Variants in TPPP observed in about 807,000 individuals in gnomAD.
TPPP encodes tubulin polymerization promoting protein, also known as tubulin polymerization-promoting protein.
A neutral mutation model predicts 15.5 loss-of-function variants in TPPP; 6 were observed. That is an observed-to-expected ratio of 0.39 (90% CI 0.21 to 0.77). TPPP has a LOEUF of 0.77. Ranked by LOEUF, TPPP falls within the 30% of genes least tolerant of loss-of-function variation. The pLI, the probability that TPPP is intolerant of heterozygous loss-of-function variation, is 0.42. For missense variants in TPPP, 269 were observed against 307.2 expected (o/e 0.88, Z 0.93); for synonymous variants, 146 against 133.9 (o/e 1.09, Z -0.63).
Position 677,795 on chromosome 5 carries a change from C to T in TPPP, c.266G>A (p.Arg89Lys), listed in dbSNP as rs1413473902. The T allele has an allele frequency of 6.3e-7, 1 of 1,599,718 alleles. No individual in the cohort carries two copies. The highest frequency in any genetic ancestry group is 2.2e-5 in the East Asian group (1 of 44,600). The change falls in exon 2 of 4, where the codon AGG becomes AAG. Residue 89 changes from arginine (R) to lysine (K), a missense_variant. Transcript: ENST00000360578. ...LCKDCQVIDG[R>K]NVTVTDVDIV... ...GTCCACGTCAGTGACGGTCACGTTC[C>T]TGCCGTCGATCACCTGGCAGTCCTT... is the stretch of plus-strand genomic sequence containing the variant.
the TPPP span, among the ~76,000 whole-genome samples, chr5:698,856 T>C: frequency 3.3e-5 from 5 of 152,116 alleles, no homozygotes; most frequent in South Asian, 6.2e-4. Flanking sequence ...CAGAAATCAA[T>C]AGCATTCTTA....
intron 2 of TPPP, among the ~76,000 whole-genome samples, chr5:669,713 C>T (rs1740130745): frequency 6.6e-6 from 1 of 152,066 alleles, no homozygotes; most frequent in Non-Finnish European, 1.5e-5. Flanking sequence ...GATCCGGACA[C>T]CTGCTCTGCG....
chr5:671,179 C>T (rs72707027), intron 2 of TPPP, among the ~76,000 whole-genome samples: 1 of 151,310 alleles, frequency 6.6e-6, no homozygotes, highest in African/African-American at 2.4e-5. Context: ...CTGTCTCCCT[C>T]TGGGCGCACA....
chr5:685,633 G>A (rs386057), intron 1 of TPPP, among the ~76,000 whole-genome samples: 58,895 of 152,140 alleles, frequency 0.39, 11,526 homozygotes, highest in East Asian at 0.56. Flanking sequence ...AGATGGCTGC[G>A]GAGGAGCTTC....
chr5:685,174 AGGTCACT>A (rs1421431591), intron 1 of TPPP, among the ~76,000 whole-genome samples: 3 of 152,106 alleles, frequency 2.0e-5, no homozygotes, highest in Non-Finnish European at 4.4e-5. Context: ...TGATCCTGAG[AGGTCACT>A]GGTCCAGAGG....
chr5:685,195 C>G (rs1383582343), intron 1 of TPPP, among the ~76,000 whole-genome samples: 2 of 152,194 alleles, frequency 1.3e-5, no homozygotes, highest in Non-Finnish European at 2.9e-5. Flanking sequence ...CCAGAGGGAT[C>G]GCTAGGATGG....
At chr5:666,511 T>G (rs1739921939) in intron 2 of TPPP, among the ~76,000 whole-genome samples, 1 of 152,138 alleles carries the variant, frequency 6.6e-6, no homozygotes, top group African/African-American at 2.4e-5. Flanking sequence ...CCTGTGTGTG[T>G]TGGGGTCCTA....
At chr5:695,568 A>T (rs1267227670), upstream of TPPP, among the ~76,000 whole-genome samples, 15 of 150,462 alleles carry the variant, frequency 1.0e-4, no homozygotes, top group Admixed American at 3.3e-4. Flanking sequence ...CAGAAGTCCG[A>T]GATCAAGGCC....
At chr5:677,310 A>T (rs1384042338) in intron 2 of TPPP, among the ~76,000 whole-genome samples, 1 of 152,138 alleles carries the variant, frequency 6.6e-6, no homozygotes, top group African/African-American at 2.4e-5. Flanking sequence ...GAGGGTCAGG[A>T]GCTCTGCCCG....
In TPPP at chr5:664,093, G is replaced by A. The variant is rs1333113511; in HGVS notation, c.*1009C>T. On this transcript the variant is annotated 3_prime_UTR_variant, in exon 4 of 4. Coordinates refer to ENST00000360578, the MANE Select transcript of TPPP (RefSeq NM_007030.3). ...TCCCTAGTGTCCTGCTCTCCGGCGG[G>A]GGGGATTGGCCAGGAGAGGTTAGGC... 4 of 152,568 alleles carry A rather than the reference G, an allele frequency of 2.6e-5. No individual in the cohort carries two copies. Among genetic ancestry groups the A allele is most frequent in the African/African-American group, 9.6e-5 (4 of 41,462 alleles). The allele number at this position is 152,568 out of a possible 1,614,324, so 9.5% of individuals were successfully genotyped here.
At chr5:665,938 C>CCA in intron 3 of TPPP, 32 bp downstream of exon 3, 1 of 1,366,608 alleles carries the variant, frequency 7.3e-7, no homozygotes, top group Admixed American at 2.2e-5. Flanking sequence ...CCACCCCCTC[C>CCA]AGGCCCCGCC....
intron 2 of TPPP, among the ~76,000 whole-genome samples, chr5:669,811 G>A (rs555145637): frequency 2.2e-4 from 34 of 152,182 alleles, no homozygotes; most frequent in East Asian, 7.8e-4. Flanking sequence ...GGTGCCCCCC[G>A]CCTGGGGCAG....
At chr5:673,913 G>A (rs1183352978) in intron 2 of TPPP, among the ~76,000 whole-genome samples, 10 of 152,234 alleles carry the variant, frequency 6.6e-5, no homozygotes, top group South Asian at 2.1e-4. Context: ...CCCACCCACC[G>A]CAGGGAGAGT....
chr5:679,944 C>T (rs1253177587), intron 1 of TPPP, among the ~76,000 whole-genome samples: 2 of 86,952 alleles, frequency 2.3e-5, no homozygotes. Flanking sequence ...GGACATAAAA[C>T]GTCCTGCCCT....
At chr5:674,800 G>C (rs1230059736) in intron 2 of TPPP, among the ~76,000 whole-genome samples, 1 of 151,762 alleles carries the variant, frequency 6.6e-6, no homozygotes, top group Non-Finnish European at 1.5e-5. Flanking sequence ...CAGTGGGCTG[G>C]TCTGTCCTCC....
intron 2 of TPPP, among the ~76,000 whole-genome samples, chr5:666,466 T>C (rs1739919698): frequency 6.6e-6 from 1 of 152,202 alleles, no homozygotes; most frequent in Non-Finnish European, 1.5e-5. Context: ...CGCCGGGAGC[T>C]GGGGGTCCTA....
At chr5:665,938 C>CCCCCCCCCCCCACAA in intron 3 of TPPP, 32 bp downstream of exon 3, 1 of 1,366,608 alleles carries the variant, frequency 7.3e-7, no homozygotes, top group Non-Finnish European at 9.7e-7. Flanking sequence ...CCACCCCCTC[C>CCCCCCCCCCCCACAA]AGGCCCCGCC....
chr5:668,908 A>G (rs1179605319), intron 2 of TPPP, among the ~76,000 whole-genome samples: 1 of 152,224 alleles, frequency 6.6e-6, no homozygotes, highest in Non-Finnish European at 1.5e-5. Flanking sequence ...GCTTGGAGCC[A>G]GGCACGGAGG....
At chr5:683,972 C>T (rs1399406860) in intron 1 of TPPP, among the ~76,000 whole-genome samples, 364 of 151,808 alleles carry the variant, frequency 2.4e-3, no homozygotes, top group Admixed American at 4.0e-3. Flanking sequence ...CACCTCGGGC[C>T]GGCTGCCATC....
Sources: gnomAD v4.1 joint callset for allele counts (sites outside exome capture counted in the v4.1 genomes callset) on GRCh38, gnomAD v4.1.1 for gene constraint, MANE v1.5 for transcripts, NCBI Gene and HGNC (gene_info 2026-07-23, HGNC 2026-07-21) for gene names.